TRNT1: variants seen among roughly 807,000 people sequenced by gnomAD.
The protein encoded by TRNT1 is CCA tRNA nucleotidyltransferase 1, mitochondrial.
Under a neutral mutation model 45.6 loss-of-function variants are expected in TRNT1, and 44 were observed. That is an observed-to-expected ratio of 0.97 (90% CI 0.76 to 1.24). The LOEUF (loss-of-function observed/expected upper bound fraction) is 1.24, where lower values mean the gene tolerates loss of function less well. TRNT1 is among the 50% of genes most tolerant of loss of function. The pLI is 0.00. For missense variants in TRNT1, 633 were observed against 504.4 expected (o/e 1.25, Z -2.44); for synonymous variants, 201 against 171.4 (o/e 1.17, Z -1.35).
chr3:3,142,437 C>G (rs1043586841), intron 4 of TRNT1, among the ~76,000 whole-genome samples: 2 of 152,180 alleles, frequency 1.3e-5, no homozygotes, highest in South Asian at 2.1e-4. Context: ...GATCAGAATT[C>G]CAACTCAGGC....
rs550704185 is a variant in TRNT1, at chr3:3,134,144, T to C, written c.149-3116T>C. Reference sequence around the variant, plus strand: ...TTAAATTTAGTTACATTAGGTGTTATTTTCACTGAATTATTTCATTGAATG... The same window carrying C: ...TTAAATTTAGTTACATTAGGTGTTACTTTCACTGAATTATTTCATTGAATG... On this transcript the variant is annotated intron_variant, in intron 2 of 7. Coordinates refer to ENST00000251607, the MANE Select transcript of TRNT1 (RefSeq NM_182916.3). Among the ~76,000 whole-genome samples, 4 of 152,312 alleles carry C rather than the reference T, an allele frequency of 2.6e-5. No individual in the cohort carries two copies. In the South Asian group the frequency reaches 6.2e-4, roughly 24 times the overall value.
chr3:3,139,120 C>G (rs1401753882), intron 3 of TRNT1, among the ~76,000 whole-genome samples: 1 of 152,176 alleles, frequency 6.6e-6, no homozygotes, highest in Non-Finnish European at 1.5e-5. Context: ...GCTTCATTCC[C>G]ATGAGCATCT....
rs190974843 is a variant in TRNT1 at position 3,129,742 on chromosome 3, C to G, written c.148+554C>G. ...GCCATTCATTACAGGACTGGTGCTA[C>G]TAACTTAATGAGTACGCACATTTTG... On this transcript the variant is annotated intron_variant, in intron 2 of 7. Coordinates refer to ENST00000251607, the MANE Select transcript of TRNT1 (RefSeq NM_182916.3). Among the ~76,000 whole-genome samples the G allele has an allele frequency of 4.6e-5, 7 of 152,340 alleles. No individual in the cohort carries two copies. In the East Asian group the frequency reaches 1.2e-3, roughly 25 times the overall value.
rs1290972649 is a variant in TRNT1 at position 3,144,729 on chromosome 3, A to G, written c.608+19A>G. Reference sequence around the variant, plus strand: ...ACTTCAGGTAAGAATTTTTAAAAATAAAAAATGATAGTTTTAATATCATGA... The same window carrying G: ...ACTTCAGGTAAGAATTTTTAAAAATGAAAAATGATAGTTTTAATATCATGA... On this transcript the variant is annotated intron_variant, in intron 5 of 7. Transcript: ENST00000251607. The G allele has an allele frequency of 7.3e-6, 11 of 1,507,712 alleles. No homozygotes were observed. The South Asian group carries it at 1.3e-4, about 18-fold the overall frequency. 93.4% of individuals were successfully genotyped at this position (1,507,712 alleles called of 1,614,324 possible). A position where few individuals can be genotyped will look rare whatever the true frequency, so the allele number is the denominator to read the frequency against.
At chr3:3,129,535 T>C in intron 2 of TRNT1, 1 of 414,068 alleles carries the variant, frequency 2.4e-6, no homozygotes, top group Non-Finnish European at 4.5e-6. Context: ...TGCAGTGAGC[T>C]ATGATCATGC....
In TRNT1 at chr3:3,148,333, C is replaced by T; in HGVS notation, c.*179C>T. On this transcript the variant is annotated 3_prime_UTR_variant, in exon 8 of 8. Coordinates refer to ENST00000251607, the MANE Select transcript of TRNT1 (RefSeq NM_182916.3). The stretch of plus-strand genomic sequence containing the variant: ...AAGAACTAAACAGAGATCCACCTTT[C>T]TGGATCTGATTTATATCACTGAAAT... 1.6e-6 allele frequency: 1 copy of T among 606,070 alleles called. No individual in the cohort carries two copies. Among genetic ancestry groups the T allele is most frequent in the Non-Finnish European group, 2.8e-6 (1 of 359,938 alleles). The allele number at this position is 606,070 out of a possible 1,614,324, so 37.5% of individuals were successfully genotyped here. A position where few individuals can be genotyped will look rare whatever the true frequency, so the allele number is the denominator to read the frequency against.
chr3:3,130,673 A>G (rs557406676), intron 2 of TRNT1: 38 of 152,336 alleles, frequency 2.5e-4, no homozygotes, highest in African/African-American at 7.2e-4. Flanking sequence ...ATAAATTTTA[A>G]TAATTATTTT....
intron 4 of TRNT1, among the ~76,000 whole-genome samples, chr3:3,141,469 C>A (rs1048264280): frequency 6.6e-6 from 1 of 152,212 alleles, no homozygotes; most frequent in Non-Finnish European, 1.5e-5. Flanking sequence ...GCTGAGCCTA[C>A]ACACAACCTC....
chr3:3,147,817 A>ATT, intron 7 of TRNT1, 89 bp from the exon 8 acceptor site: 2 of 1,524,240 alleles, frequency 1.3e-6, no homozygotes, highest in South Asian at 2.7e-5. Flanking sequence ...AAATGAAAAA[A>ATT]TTTATGTTGA....
At chr3:3,152,329 C>G, downstream of TRNT1, 1 of 1,064,398 alleles carries the variant, frequency 9.4e-7, no homozygotes. Flanking sequence ...ATTTTTGTAG[C>G]AAATTACTCA....
rs1352044011 is a variant in TRNT1, at chr3:3,129,901, GCT to G, written c.148+716_148+717del. On this transcript the variant is annotated intron_variant, in intron 2 of 7. Coordinates refer to ENST00000251607, the MANE Select transcript of TRNT1 (RefSeq NM_182916.3). ...TCAGAGCCCAGCTTGCAACCGCTAA[GCT>G]CTGTTTCCTTCCTAGGTATAAATGC... The G allele has an allele frequency of 3.2e-6, 5 of 1,550,496 alleles. No individual in the cohort carries two copies. The African/African-American group carries it at 4.1e-5, about 13-fold the overall frequency.
intron 2 of TRNT1, 47 bp from the exon 3 acceptor site, chr3:3,137,213 T>C (rs771924478): frequency 5.4e-6 from 8 of 1,478,132 alleles, no homozygotes; most frequent in Non-Finnish European, 6.4e-6. Flanking sequence ...ATAAACACAT[T>C]GAAATAAAGA....
intron 2 of TRNT1, among the ~76,000 whole-genome samples, chr3:3,135,127 C>T (rs949197471): frequency 6.6e-6 from 1 of 152,082 alleles, no homozygotes; most frequent in East Asian, 1.9e-4. Flanking sequence ...ATTTTGGTGA[C>T]TGCTATGTGA....
In TRNT1 at chr3:3,140,384, A is replaced by C. The variant is rs188477862; in HGVS notation, c.343-126A>C. On this transcript the variant is annotated intron_variant, in intron 3 of 7. Transcript: ENST00000251607. ...TGTTTAGGTATGGTAGTTGACGTTA[A>C]AAAGACTATAACTGTCAGGGCTTAT... is the stretch of plus-strand genomic sequence containing the variant. 2.7e-4 allele frequency: 224 copies of C among 838,022 alleles called. No homozygotes were observed. In the African/African-American group the frequency reaches 3.5e-3, roughly 13 times the overall value. The allele number at this position is 838,022 out of a possible 1,614,324, so 51.9% of individuals were successfully genotyped here.
chr3:3,151,687 G>A (rs954927898), downstream of TRNT1, among the ~76,000 whole-genome samples: 3 of 152,110 alleles, frequency 2.0e-5, no homozygotes, highest in African/African-American at 7.2e-5. Context: ...TGCCAAGTAA[G>A]ATAGGGCAAT....
chr3:3,149,656 A>C (rs1004233972), downstream of TRNT1: 2 of 152,264 alleles, frequency 1.3e-5, no homozygotes, highest in Non-Finnish European at 2.9e-5. Context: ...AAATTATTAA[A>C]GTAGTAAAAG....
At chr3:3,150,119 C>CTTTTCCCTATAGTAGTAGTTTT (rs1706403734), downstream of TRNT1, 1 of 152,114 alleles carries the variant, frequency 6.6e-6, no homozygotes. Context: ...GTTTTGGCAT[C>CTTTTCCCTATAGTAGTAGTTTT]TTTTCCCTAT....
At chr3:3,130,356 T>A (rs1487745566) in intron 2 of TRNT1, 2 of 178,500 alleles carry the variant, frequency 1.1e-5, no homozygotes, top group African/African-American at 4.8e-5. Context: ...GACGAACCAT[T>A]ACTTTAACAT....
chr3:3,147,902 G>T lies in TRNT1; in HGVS notation c.1057-4G>T, dbSNP rs150530824. 6.2e-7 allele frequency: 1 copy of T among 1,603,696 alleles called. No individual in the cohort carries two copies. Among genetic ancestry groups the T allele is most frequent in the Non-Finnish European group, 8.5e-7 (1 of 1,174,954 alleles). On this transcript the variant is annotated splice_region_variant and splice_polypyrimidine_tract_variant and intron_variant, in intron 7 of 7. Coordinates refer to ENST00000251607, the MANE Select transcript of TRNT1 (RefSeq NM_182916.3). ...GAAACTAAATGTTTGATTTTGACACGTAGTCTAGGGAACCTGATGCAACTA... is the reference window on the plus strand; with the variant it reads ...GAAACTAAATGTTTGATTTTGACACTTAGTCTAGGGAACCTGATGCAACTA...
Sources: gnomAD v4.1 joint callset for allele counts (sites outside exome capture counted in the v4.1 genomes callset) on GRCh38, gnomAD v4.1.1 for gene constraint, MANE v1.5 for transcripts, NCBI Gene and HGNC (gene_info 2026-07-23, HGNC 2026-07-21) for gene names.